Variants in SPTBN1 observed in about 807,000 individuals in gnomAD.
SPTBN1 encodes spectrin beta, non-erythrocytic 1.
SPTBN1 carries 32 observed loss-of-function variants against 266.4 expected under a neutral mutation model. The ratio of observed to expected loss-of-function variants is 0.12; its 90% CI spans 0.09 to 0.16. The LOEUF is 0.16. Among genes scored for constraint, SPTBN1 ranks in the 10% least tolerant of loss-of-function variants. SPTBN1 has a pLI of 1.00. For synonymous variants in SPTBN1, 1,336 were observed against 1,162.2 expected, an observed-to-expected ratio of 1.15 and a Z score of -3.04; for missense variants, 2,296 against 3,067.1, an observed-to-expected ratio of 0.75 and a Z score of 5.94.
At chr2:54,572,037 A>G (rs10181201) in intron 2 of SPTBN1, among the ~76,000 whole-genome samples, 30,039 of 151,882 alleles carry the variant, frequency 0.2, 6,198 homozygotes, top group African/African-American at 0.53. Flanking sequence ...CTTAAAGCTC[A>G]AATTTAGGGA....
intron 18 of SPTBN1, among the ~76,000 whole-genome samples, chr2:54,638,722 C>T (rs1262264581): frequency 1.3e-5 from 2 of 152,158 alleles, no homozygotes; most frequent in African/African-American, 4.8e-5. Context: ...AAATAAAAAT[C>T]CTCAGGCAAA....
Position 54,649,574 on chromosome 2 carries a change from C to A in SPTBN1, c.5203-41C>A, listed in dbSNP as rs562972463. The A allele has an allele frequency of 5.0e-6, 8 of 1,591,246 alleles. No individual in the cohort carries two copies. The highest frequency in any genetic ancestry group is 4.0e-5 in the African/African-American group (3 of 74,596). ...TCATGTGATCAAGAAATACAGAGTT[C>A]ACAGTGGGCTCTCTGATTTCCTTAC... On this transcript the variant is annotated intron_variant, in intron 25 of 35. Coordinates refer to ENST00000356805, the MANE Select transcript of SPTBN1 (RefSeq NM_003128.3). This position sits in a 1 kb window ranked among gnomAD's most constrained non-coding sequence, Gnocchi z 6.7.
intron 27 of SPTBN1, 129 bp from the exon 28 acceptor site, chr2:54,654,941 T>C: frequency 8.1e-7 from 1 of 1,237,592 alleles, no homozygotes; most frequent in Non-Finnish European, 1.1e-6. Context: ...AGGGAGTGAT[T>C]CAGACCTGAA....
chr2:54,466,375 A>ATGGAATTG (rs1693631433), intron 1 of SPTBN1, among the ~76,000 whole-genome samples: 2 of 88,202 alleles, frequency 2.3e-5, no homozygotes, highest in African/African-American at 7.7e-5. Flanking sequence ...ATCCTGGCTA[A>ATGGAATTG]CACGGTGAAA....
chr2:54,465,638 T>TATATATATATATA (rs1558748887), intron 1 of SPTBN1, among the ~76,000 whole-genome samples: 1 of 86,946 alleles, frequency 1.2e-5, no homozygotes, highest in African/African-American at 4.8e-5. Flanking sequence ...CATGTTTATC[T>TATATATATATATA]CATATATATA....
rs762413649 is a variant in SPTBN1, at chr2:54,612,865, T to G, written c.474+531T>G. On this transcript the variant is annotated intron_variant, in intron 4 of 35. Transcript: ENST00000356805. Reference sequence around the variant, plus strand: ...TTTGCAGGAGGAAAGTACAAAACTCTTGTGTTTCTTTGAATTGATGATGCT... The same window carrying G: ...TTTGCAGGAGGAAAGTACAAAACTCGTGTGTTTCTTTGAATTGATGATGCT... 2.6e-4 allele frequency among the ~76,000 whole-genome samples: 40 copies of G among 152,184 alleles called. 1 individual carries two copies. The highest frequency in any genetic ancestry group is 5.9e-5 in the Non-Finnish European group (4 of 68,044).
At chr2:54,660,759 G>A in intron 32 of SPTBN1, 2 of 985,242 alleles carry the variant, frequency 2.0e-6, no homozygotes, top group Non-Finnish European at 2.4e-6. Context: ...AGGCTTCCTT[G>A]CACAGATGTT....
chr2:54,498,390 G>A (rs570597202), intron 1 of SPTBN1, among the ~76,000 whole-genome samples: 1 of 152,274 alleles, frequency 6.6e-6, no homozygotes, highest in African/African-American at 2.4e-5. Context: ...AGACAGCACA[G>A]GATAGACTTA....
intron 1 of SPTBN1, among the ~76,000 whole-genome samples, chr2:54,488,193 C>T (rs1320517734): frequency 6.6e-6 from 1 of 151,986 alleles, no homozygotes; most frequent in African/African-American, 2.4e-5. Context: ...TTTGAAATTC[C>T]TAGGTGATTT....
At chr2:54,460,461 A>G (rs1195313514) in intron 1 of SPTBN1, among the ~76,000 whole-genome samples, 1 of 152,202 alleles carries the variant, frequency 6.6e-6, no homozygotes, top group African/African-American at 2.4e-5. Flanking sequence ...AAACACCTCT[A>G]AAGTTGAAAA....
At chr2:54,622,866 A>C (rs965584694) in intron 9 of SPTBN1, among the ~76,000 whole-genome samples, 1 of 152,240 alleles carries the variant, frequency 6.6e-6, no homozygotes, top group Non-Finnish European at 1.5e-5. Flanking sequence ...GCAATAGCCC[A>C]TAAGCCCAGT....
At chr2:54,536,114 T>C (rs1281235053) in intron 2 of SPTBN1, among the ~76,000 whole-genome samples, 1 of 152,222 alleles carries the variant, frequency 6.6e-6, no homozygotes. Flanking sequence ...GTTTGGTGTC[T>C]CAGATGGTTC....
intron 2 of SPTBN1, among the ~76,000 whole-genome samples, chr2:54,552,082 C>T (rs1288579585): frequency 6.6e-6 from 1 of 152,194 alleles, no homozygotes; most frequent in Non-Finnish European, 1.5e-5. Context: ...GGTCCTGCCA[C>T]TGAGAAATGC....
At chr2:54,552,051 G>A (rs1160156465) in intron 2 of SPTBN1, among the ~76,000 whole-genome samples, 2 of 152,166 alleles carry the variant, frequency 1.3e-5, no homozygotes, top group African/African-American at 2.4e-5. Flanking sequence ...AGGGGTATCA[G>A]TACATCCCAG....
At chr2:54,660,620 G>T (rs1202030762) in intron 32 of SPTBN1, 1 of 985,384 alleles carries the variant, frequency 1.0e-6, no homozygotes, top group East Asian at 1.1e-4. Flanking sequence ...AAGGGAGTCA[G>T]ATATATTCTG....
chr2:54,659,953 A>G lies in SPTBN1; in HGVS notation c.6374A>G (p.Glu2125Gly). 6.2e-7 allele frequency: 1 copy of G among 1,614,146 alleles called. No homozygotes were observed. The highest frequency in any genetic ancestry group is 8.5e-7 in the Non-Finnish European group (1 of 1,180,024). The change falls in exon 32 of 36, where the codon GAA becomes GGA. Residue 2125 changes from glutamate to glycine, a missense_variant. Transcript: ENST00000356805. ...SQQQWDTSKG[E>G]QVSQNGLPAE... ...CCTAACAGGGATACTTCAAAAGGAG[A>G]ACAAGTTTCCCAAAACGGTTTGCCA...
intron 32 of SPTBN1, chr2:54,663,919 GGA>G (rs1681207038): frequency 6.6e-6 from 1 of 152,454 alleles, no homozygotes; most frequent in Non-Finnish European, 1.5e-5. Flanking sequence ...TGTGTTGAGG[GGA>G]GGGGGAGGAG....
chr2:54,625,214 A>G (rs112058281), intron 11 of SPTBN1, among the ~76,000 whole-genome samples: 2 of 152,302 alleles, frequency 1.3e-5, no homozygotes, highest in East Asian at 3.9e-4. Flanking sequence ...AGTGTGTGTG[A>G]ACTGTTCACA....
At chr2:54,458,271 T>C (rs975851868) in intron 1 of SPTBN1, among the ~76,000 whole-genome samples, 1 of 152,246 alleles carries the variant, frequency 6.6e-6, no homozygotes, top group Non-Finnish European at 1.5e-5. Context: ...TATATTAAAA[T>C]TCAGTAGGTT....
Sources: allele counts gnomAD v4.1 joint callset (sites outside exome capture counted in the v4.1 genomes callset), GRCh38; gene constraint gnomAD v4.1.1; non-coding constraint Gnocchi (gnomAD v3.1); transcripts MANE v1.5; gene names NCBI Gene and HGNC (gene_info 2026-07-23, HGNC 2026-07-21).